The following SLCO5A1 variants were observed in gnomAD, a reference collection of about 807,000 sequenced individuals.
SLCO5A1 encodes the protein solute carrier organic anion transporter family member 5A1.
SLCO5A1 carries 39 observed loss-of-function variants against 65.1 expected under a neutral mutation model. The observed-to-expected ratio is 0.60, with a 90% CI of 0.46 to 0.78. SLCO5A1 has a LOEUF of 0.78. Among genes scored for constraint, SLCO5A1 ranks in the 30% least tolerant of loss-of-function variants. SLCO5A1 has a pLI of 0.00. For synonymous variants in SLCO5A1, 438 were observed against 415.7 expected, an observed-to-expected ratio of 1.05 and a Z score of -0.65; for missense variants, 1,029 against 1,069.4, an observed-to-expected ratio of 0.96 and a Z score of 0.53.
At chr8:69,767,329 A>G (rs1818104473) in intron 2 of SLCO5A1, among the ~76,000 whole-genome samples, 1 of 152,216 alleles carries the variant, frequency 6.6e-6, no homozygotes, top group Non-Finnish European at 1.5e-5. Flanking sequence ...GATCTTTTCA[A>G]GAAACTCTGC....
At chr8:69,776,251 G>T (rs945640158) in intron 2 of SLCO5A1, among the ~76,000 whole-genome samples, 3 of 152,054 alleles carry the variant, frequency 2.0e-5, no homozygotes, top group African/African-American at 7.2e-5. Flanking sequence ...ATAATAAAGT[G>T]ATTGTTAACT....
intron 2 of SLCO5A1, among the ~76,000 whole-genome samples, chr8:69,809,508 A>T (rs946822470): frequency 2.6e-5 from 4 of 152,206 alleles, no homozygotes; most frequent in Non-Finnish European, 5.9e-5. Flanking sequence ...AATATAGTCA[A>T]ATTTTCCAAA....
chr8:69,686,238 A>AAAAAAAAAAG (rs1159085565), intron 6 of SLCO5A1, among the ~76,000 whole-genome samples: 3 of 151,974 alleles, frequency 2.0e-5, no homozygotes, highest in Non-Finnish European at 2.9e-5. Flanking sequence ...CAGCAAAAAA[A>AAAAAAAAAAG]AGAGAGAGAA....
rs748706721 is a variant in SLCO5A1, at chr8:69,831,960, C to G, written c.714G>C (p.Gln238His). ...NASAPNDGLC[Q>H]GGNSTATLEP... ...CCAAAGTGGCGGTGGAGTTGCCACC[C>G]TGACACAGGCCGTCGTTGGGGGCCG... The change falls in exon 2 of 10, where the codon CAG becomes CAC. Residue 238 changes from glutamine to histidine, a missense_variant. Gln to His is a conservative substitution (Grantham distance 24, BLOSUM62 0). Around this residue, in one of 3 missense-constraint regions of SLCO5A1, gnomAD observed 647 missense variants for 647.5 expected, o/e 1.00. Transcript: ENST00000260126. 1.3e-6 allele frequency: 2 copies of G among 1,594,170 alleles called. No homozygotes were observed. Among genetic ancestry groups the G allele is most frequent in the South Asian group, 2.3e-5 (2 of 88,006 alleles).
At chr8:69,737,405 A>G (rs1586742726) in intron 5 of SLCO5A1, among the ~76,000 whole-genome samples, 1 of 152,360 alleles carries the variant, frequency 6.6e-6, no homozygotes, top group African/African-American at 2.4e-5. Flanking sequence ...CTACAATATT[A>G]CATTATATAA....
intron 5 of SLCO5A1, among the ~76,000 whole-genome samples, chr8:69,726,503 T>A (rs541822978): frequency 2.7e-5 from 4 of 148,458 alleles, no homozygotes; most frequent in South Asian, 4.2e-4. Flanking sequence ...CTCCTTTTTT[T>A]TTTTTTTTTT....
At chr8:69,811,244 G>A (rs749963268) in intron 2 of SLCO5A1, among the ~76,000 whole-genome samples, 2 of 152,168 alleles carry the variant, frequency 1.3e-5, no homozygotes, top group East Asian at 1.9e-4. Context: ...GTGAGCTTAC[G>A]TGTTTGGGGC....
At chr8:69,817,966 G>A (rs572045472) in intron 2 of SLCO5A1, among the ~76,000 whole-genome samples, 4 of 152,246 alleles carry the variant, frequency 2.6e-5, no homozygotes, top group South Asian at 2.1e-4. Flanking sequence ...ACTCACCTCC[G>A]ATATCAAGAG....
chr8:69,717,927 C>A (rs1338119971), intron 5 of SLCO5A1, among the ~76,000 whole-genome samples: 1 of 152,130 alleles, frequency 6.6e-6, no homozygotes, highest in Admixed American at 6.5e-5. Context: ...TGAGAACACA[C>A]AAAATCTACT....
Position 69,686,147 on chromosome 8 carries a change from CCTCT to C in SLCO5A1, c.1623-3808_1623-3805del, listed in dbSNP as rs201817678. Among the ~76,000 whole-genome samples, 24 of 150,472 alleles carry C rather than the reference CCTCT, an allele frequency of 1.6e-4. No homozygotes were observed. In the East Asian group the frequency reaches 4.7e-3, roughly 29 times the overall value. ...AGGGACTTCTGCCTCCTTTTGAGTT[CCTCT>C]CTATTAAAAGATGTGACAAGTAGAA... On this transcript the variant is annotated intron_variant, in intron 6 of 9. Coordinates refer to ENST00000260126, the MANE Select transcript of SLCO5A1 (RefSeq NM_030958.3).
At position 69,832,833 on chromosome 8, in the gene SLCO5A1, G is replaced by T. The variant is rs1309613366; in HGVS notation, c.-160C>A. Reference sequence around the variant, plus strand: ...GCAGCAGGGCATCCTCACCAGCTGCGAGGCGCCCAGTGCATCCTGATCACA... The same window carrying T: ...GCAGCAGGGCATCCTCACCAGCTGCTAGGCGCCCAGTGCATCCTGATCACA... On this transcript the variant is annotated 5_prime_UTR_variant, in exon 2 of 10. Transcript: ENST00000260126. The surrounding 1 kb of genome is among the most constrained non-coding windows in gnomAD (Gnocchi z 4.5). The T allele has an allele frequency of 1.3e-6, 1 of 775,990 alleles. No individual in the cohort carries two copies. 48.1% of individuals were successfully genotyped at this position (775,990 alleles called of 1,614,324 possible). A position where few individuals can be genotyped will look rare whatever the true frequency, so the allele number is the denominator to read the frequency against.
intron 2 of SLCO5A1, among the ~76,000 whole-genome samples, chr8:69,799,706 G>A (rs556735295): frequency 5.1e-4 from 77 of 152,290 alleles, no homozygotes; most frequent in African/African-American, 1.8e-3. Flanking sequence ...CATGGCAATA[G>A]CGAAGAGAGG....
intron 5 of SLCO5A1, among the ~76,000 whole-genome samples, chr8:69,727,939 A>C (rs1231722238): frequency 1.3e-5 from 2 of 152,228 alleles, no homozygotes; most frequent in Admixed American, 1.3e-4. Context: ...GCAATCAGAT[A>C]GTTTAAAAGG....
chr8:69,772,266 A>C (rs1183531819), intron 2 of SLCO5A1, among the ~76,000 whole-genome samples: 6 of 152,102 alleles, frequency 3.9e-5, no homozygotes, highest in Non-Finnish European at 7.4e-5. Context: ...CTGGCATATA[A>C]TCCCAGCACT....
In SLCO5A1 at chr8:69,755,561, G is replaced by A; in HGVS notation, c.1121C>T (p.Pro374Leu). The stretch of plus-strand genomic sequence containing the variant: ...TTTCTTTTTCTTTTTCTTGTGTCGA[G>A]GTGGAAGCTTTTTTGGGAAAGTAAA... ...PMFTFPKKLPPRHKKKKKKKF... is the reference protein window; with the variant it reads ...PMFTFPKKLPLRHKKKKKKKF... Residue 374 changes from proline (P) to leucine (L), a missense_variant, in exon 4 of 10, where the codon CCT becomes CTT. Pro to Leu is a moderately conservative substitution (Grantham distance 98). This residue lies in a region of SLCO5A1 where 647 missense variants were observed against 647.5 expected (regional missense o/e 1.00). Coordinates refer to ENST00000260126, the MANE Select transcript of SLCO5A1 (RefSeq NM_030958.3). 6.2e-6 allele frequency: 10 copies of A among 1,613,876 alleles called. No individual in the cohort carries two copies. The highest frequency in any genetic ancestry group is 1.7e-5 in the Admixed American group (1 of 59,976).
chr8:69,695,360 T>A (rs1814453424), intron 6 of SLCO5A1, among the ~76,000 whole-genome samples: 2 of 152,018 alleles, frequency 1.3e-5, no homozygotes, highest in East Asian at 3.9e-4. Flanking sequence ...GCCGGGCATG[T>A]TGGCGGGACC....
chr8:69,756,689 A>G (rs955455820), intron 3 of SLCO5A1, among the ~76,000 whole-genome samples: 2 of 152,274 alleles, frequency 1.3e-5, no homozygotes, highest in African/African-American at 2.4e-5. Context: ...AACAGGAGCT[A>G]TTAGACTCAG....
intron 5 of SLCO5A1, among the ~76,000 whole-genome samples, chr8:69,734,720 G>A (rs149157195): frequency 3.3e-4 from 50 of 152,320 alleles, no homozygotes; most frequent in Middle Eastern, 3.4e-3. Context: ...GTGAAGGTCA[G>A]GGTATGTATC....
intron 6 of SLCO5A1, among the ~76,000 whole-genome samples, chr8:69,701,876 C>A (rs1234940523): frequency 6.6e-6 from 1 of 152,122 alleles, no homozygotes; most frequent in African/African-American, 2.4e-5. Flanking sequence ...TTTCCATTGA[C>A]AATACACATG....
Sources: gnomAD v4.1 joint callset for allele counts (sites outside exome capture counted in the v4.1 genomes callset) on GRCh38, gnomAD v4.1.1 for gene constraint, gnomAD v4.1.1 regional missense constraint, Gnocchi (gnomAD v3.1) non-coding constraint, MANE v1.5 for transcripts, NCBI Gene and HGNC (gene_info 2026-07-23, HGNC 2026-07-21) for gene names.